The following FAT3 variants were observed in gnomAD, a reference collection of about 807,000 sequenced individuals.
The protein encoded by FAT3 is protocadherin Fat 3.
Under a neutral mutation model 310.2 loss-of-function variants are expected in FAT3, and 95 were observed. The ratio of observed to expected loss-of-function variants is 0.31; its 90% CI spans 0.26 to 0.36. FAT3 has a LOEUF of 0.36. Ranked by LOEUF, FAT3 falls within the 10% of genes least tolerant of loss-of-function variation. The pLI is 1.00. For missense variants in FAT3, 5,408 were observed against 5,715.6 expected, an observed-to-expected ratio of 0.95 and a Z score of 1.74; for synonymous variants, 2,314 against 2,192.9, an observed-to-expected ratio of 1.06 and a Z score of -1.54.
chr11:92,341,028 C>T (rs1948245613), intron 1 of FAT3, among the ~76,000 whole-genome samples: 1 of 152,108 alleles, frequency 6.6e-6, no homozygotes, highest in Admixed American at 6.5e-5. Flanking sequence ...TCTACTCAGG[C>T]CAACTCTGAA....
chr11:92,840,058 G>A (rs991312150), intron 17 of FAT3, among the ~76,000 whole-genome samples: 4 of 152,144 alleles, frequency 2.6e-5, no homozygotes. Flanking sequence ...TTTCCACCAG[G>A]AATATGCCTT....
At chr11:92,477,073 G>A (rs2135175020) in intron 2 of FAT3, among the ~76,000 whole-genome samples, 1 of 152,322 alleles carries the variant, frequency 6.6e-6, no homozygotes, top group African/African-American at 2.4e-5. Context: ...CTGAATACCT[G>A]ATGGTAAGTT....
chr11:92,337,977 CGAG>C (rs1018156173), intron 1 of FAT3, among the ~76,000 whole-genome samples: 5 of 151,614 alleles, frequency 3.3e-5, no homozygotes, highest in Admixed American at 6.6e-5. Flanking sequence ...TTTTAAAAAA[CGAG>C]GAAATAGGAA....
intron 2 of FAT3, among the ~76,000 whole-genome samples, chr11:92,427,434 C>T (rs1448651565): frequency 6.6e-6 from 1 of 152,138 alleles, no homozygotes; most frequent in Non-Finnish European, 1.5e-5. Context: ...AGAGGGCATC[C>T]TTGTCTTGTG....
chr11:92,612,255 T>C (rs1456676800), intron 3 of FAT3, among the ~76,000 whole-genome samples: 4 of 152,198 alleles, frequency 2.6e-5, no homozygotes, highest in Admixed American at 2.6e-4. Flanking sequence ...ATTGGTCACT[T>C]TTCTCTCCAC....
chr11:92,411,926 C>T (rs1950278815), intron 2 of FAT3, among the ~76,000 whole-genome samples: 1 of 152,000 alleles, frequency 6.6e-6, no homozygotes. Flanking sequence ...AATCTTCATT[C>T]ATCAGCCTTT....
intron 3 of FAT3, among the ~76,000 whole-genome samples, chr11:92,688,446 A>G (rs1041930099): frequency 6.6e-6 from 1 of 152,180 alleles, no homozygotes; most frequent in Non-Finnish European, 1.5e-5. Flanking sequence ...TAACCCCATC[A>G]TCCAGAAGAT....
At chr11:92,842,948 C>T (rs1948588124) in intron 18 of FAT3, among the ~76,000 whole-genome samples, 4 of 152,162 alleles carry the variant, frequency 2.6e-5, no homozygotes, top group Admixed American at 2.6e-4. Context: ...CTAAGTGTGT[C>T]TATGGATTAG....
At chr11:92,306,528 TTA>T (rs1310101269) in intron 1 of FAT3, among the ~76,000 whole-genome samples, 1 of 129,676 alleles carries the variant, frequency 7.7e-6, no homozygotes, top group Non-Finnish European at 1.6e-5. Context: ...ATTATATATG[TTA>T]TATATATTTA....
chr11:92,468,434 A>G (rs1376691513), intron 2 of FAT3, among the ~76,000 whole-genome samples: 3 of 152,232 alleles, frequency 2.0e-5, no homozygotes, highest in South Asian at 4.1e-4. Context: ...CCTTTTGTAT[A>G]GCATCTTTAA....
intron 3 of FAT3, among the ~76,000 whole-genome samples, chr11:92,625,393 T>C (rs1356513168): frequency 6.6e-6 from 1 of 152,158 alleles, no homozygotes. Context: ...TCCTATAGCC[T>C]GGAAGGCATT....
chr11:92,753,397 A>G (rs937620768), intron 4 of FAT3, among the ~76,000 whole-genome samples: 2 of 152,226 alleles, frequency 1.3e-5, no homozygotes, highest in Non-Finnish European at 2.9e-5. Context: ...TTTAAGTCAC[A>G]TAATTTTCTG....
intron 1 of FAT3, among the ~76,000 whole-genome samples, chr11:92,349,347 G>T (rs772473363): frequency 1.3e-5 from 2 of 152,102 alleles, no homozygotes; most frequent in African/African-American, 2.4e-5. Context: ...CTGCTTTGGA[G>T]CCTTTTGAGA....
chr11:92,740,609 TA>T (rs1447260468), intron 4 of FAT3, among the ~76,000 whole-genome samples: 1 of 152,206 alleles, frequency 6.6e-6, no homozygotes, highest in Non-Finnish European at 1.5e-5. Flanking sequence ...AGGAGAGTAT[TA>T]TTCATTCTCT....
At chr11:92,638,836 A>G (rs528248705) in intron 3 of FAT3, among the ~76,000 whole-genome samples, 8 of 152,272 alleles carry the variant, frequency 5.3e-5, no homozygotes, top group African/African-American at 1.9e-4. Context: ...AAGGAACCCA[A>G]TGACGATTGG....
rs1949701405 is a variant in FAT3, at chr11:92,882,733, C to A, written c.12282-5C>A. On this transcript the variant is annotated splice_region_variant and splice_polypyrimidine_tract_variant and intron_variant, in intron 23 of 27. Coordinates refer to ENST00000525166, the MANE Select transcript of FAT3 (RefSeq NM_001367949.2). ...CGGTGGGGAGGGGCTTCTGTGTCGCCGCAGGTGTGAGGAGGACATCAATGA... is the reference window on the plus strand; with the variant it reads ...CGGTGGGGAGGGGCTTCTGTGTCGCAGCAGGTGTGAGGAGGACATCAATGA... The A allele has an allele frequency of 6.3e-7, 1 of 1,589,108 alleles. No homozygotes were observed. Among genetic ancestry groups the A allele is most frequent in the South Asian group, 1.2e-5 (1 of 86,366 alleles).
At chr11:92,869,883 C>T (rs1237760605) in intron 22 of FAT3, among the ~76,000 whole-genome samples, 1 of 152,030 alleles carries the variant, frequency 6.6e-6, no homozygotes, top group Non-Finnish European at 1.5e-5. Context: ...AGTGTTGTGC[C>T]CCCAGATCAA....
At position 92,411,099 on chromosome 11, in the gene FAT3, A is replaced by T. The variant is rs1015893533; in HGVS notation, c.3292+55695A>T. On this transcript the variant is annotated intron_variant, in intron 2 of 27. Coordinates refer to ENST00000525166, the MANE Select transcript of FAT3 (RefSeq NM_001367949.2). ...TATGAGAACTATATAGATTATATAT[A>T]TTATATATAAAAATATATATATTTA... Among the ~76,000 whole-genome samples, 5 of 69,204 alleles carry T rather than the reference A, an allele frequency of 7.2e-5. No homozygotes were observed. In the Admixed American group the frequency reaches 1.2e-3, roughly 16 times the overall value. The allele number at this position is 69,204 out of a possible 152,430, so 45.4% of individuals were successfully genotyped here.
chr11:92,261,274 T>C (rs1014284600), intron 1 of FAT3, among the ~76,000 whole-genome samples: 1 of 152,002 alleles, frequency 6.6e-6, no homozygotes, highest in Non-Finnish European at 1.5e-5. Context: ...ATAGGAAAGG[T>C]AAGGAGGGCT....
Sources: allele counts gnomAD v4.1 joint callset (sites outside exome capture counted in the v4.1 genomes callset), GRCh38; gene constraint gnomAD v4.1.1; transcripts MANE v1.5; gene names NCBI Gene and HGNC (gene_info 2026-07-23, HGNC 2026-07-21).